PDZRN3: variants seen among roughly 807,000 people sequenced by gnomAD.
PDZRN3 encodes PDZ domain containing ring finger 3.
In PDZRN3, 38 loss-of-function variants were observed where a neutral mutation model predicts 85.7. That is an observed-to-expected ratio of 0.44 (90% CI 0.34 to 0.58). PDZRN3 has a LOEUF of 0.58. Among genes scored for constraint, PDZRN3 ranks in the 20% least tolerant of loss-of-function variants. The pLI, the probability that PDZRN3 is intolerant of heterozygous loss-of-function variation, is 0.01. For missense variants in PDZRN3, 1,629 were observed against 1,506.4 expected, an observed-to-expected ratio of 1.08 and a Z score of -1.35; for synonymous variants, 759 against 638.0, an observed-to-expected ratio of 1.19 and a Z score of -2.86.
At chr3:73,466,220 T>G (rs1048078374) in intron 3 of PDZRN3, among the ~76,000 whole-genome samples, 2 of 151,988 alleles carry the variant, frequency 1.3e-5, no homozygotes, top group Non-Finnish European at 2.9e-5. Context: ...AACAAGATTT[T>G]ACAAATTTGA....
At chr3:73,624,080 C>A in intron 1 of PDZRN3, 23 bp downstream of exon 1, 2 of 1,419,920 alleles carry the variant, frequency 1.4e-6, no homozygotes, top group Non-Finnish European at 9.1e-7. Flanking sequence ...GGCTGGAGGT[C>A]GGGGCGGGCA....
chr3:73,416,432 C>G (rs771638919), intron 3 of PDZRN3, among the ~76,000 whole-genome samples: 29 of 151,804 alleles, frequency 1.9e-4, no homozygotes, highest in Non-Finnish European at 4.0e-4. Flanking sequence ...TACTAGATCA[C>G]GCCATACCGA....
intron 3 of PDZRN3, among the ~76,000 whole-genome samples, chr3:73,467,320 A>G (rs1305293291): frequency 6.6e-6 from 1 of 152,248 alleles, no homozygotes; most frequent in Non-Finnish European, 1.5e-5. Flanking sequence ...AGGAAGCAGC[A>G]GGATGGCAAA....
At chr3:73,495,071 C>T (rs1703842224) in intron 3 of PDZRN3, among the ~76,000 whole-genome samples, 1 of 152,192 alleles carries the variant, frequency 6.6e-6, no homozygotes, top group African/African-American at 2.4e-5. Flanking sequence ...TGGGGTATTA[C>T]TCACTATGTG....
At chr3:73,575,820 A>C (rs377054084) in intron 3 of PDZRN3, among the ~76,000 whole-genome samples, 1 of 152,252 alleles carries the variant, frequency 6.6e-6, no homozygotes, top group South Asian at 2.1e-4. Context: ...TGAGTTTTTA[A>C]ATTTTTCCTA....
intron 3 of PDZRN3, among the ~76,000 whole-genome samples, chr3:73,522,047 T>C (rs2106731537): frequency 6.6e-6 from 1 of 152,374 alleles, no homozygotes; most frequent in East Asian, 1.9e-4. Flanking sequence ...GTGAAAATTA[T>C]ATGAAATTCA....
rs755356861 is a variant in PDZRN3 at position 73,384,108 on chromosome 3, G to C, written c.2458C>G (p.Pro820Ala). 6.2e-7 allele frequency: 1 copy of C among 1,614,006 alleles called. No homozygotes were observed. The highest frequency in any genetic ancestry group is 1.1e-5 in the South Asian group (1 of 91,076). ...TCCTTCAGGGACGGGCTATAGGTAG[G>C]GGTGCCCACTTCGGGATCTTCCGTG... is the stretch of plus-strand genomic sequence containing the variant. ...SITEDPEVGT[P>A]TYSPSLKELD... Residue 820 changes from proline to alanine, a missense_variant, in exon 10 of 10, where the codon CCT (proline) becomes GCT (alanine). Pro to Ala is a conservative substitution (Grantham distance 27, BLOSUM62 -1). Transcript: ENST00000263666.
intron 3 of PDZRN3, among the ~76,000 whole-genome samples, chr3:73,585,671 A>G (rs1334388600): frequency 6.6e-6 from 1 of 152,200 alleles, no homozygotes; most frequent in East Asian, 1.9e-4. Context: ...AGATGGATGG[A>G]AATTCTGTGA....
At chr3:73,579,738 A>T (rs1702171319) in intron 3 of PDZRN3, among the ~76,000 whole-genome samples, 2 of 152,160 alleles carry the variant, frequency 1.3e-5, no homozygotes, top group Non-Finnish European at 2.9e-5. Flanking sequence ...TGACTGTAAT[A>T]AGGGTGCAAC....
At position 73,384,907 on chromosome 3, in the gene PDZRN3, C is replaced by T; in HGVS notation, c.1659G>A (p.Gly553=). ...LQQKKHDEDG[G]TTDTATILSN... The stretch of plus-strand genomic sequence containing the variant: ...ACAAGATGGTGGCTGTATCTGTGGT[C>T]CCACCGTCTTCGTCGTGCTTCTTCT... The change falls in exon 10 of 10, where the codon GGG becomes GGA. Residue 553 remains glycine (G), a synonymous_variant. Transcript: ENST00000263666. 6.2e-7 allele frequency: 1 copy of T among 1,606,460 alleles called. No individual in the cohort carries two copies.
chr3:73,491,650 G>A (rs1310709718), intron 3 of PDZRN3, among the ~76,000 whole-genome samples: 2 of 141,552 alleles, frequency 1.4e-5, no homozygotes, highest in African/African-American at 5.2e-5. Context: ...CCAGGCTGGA[G>A]TGCAGTGACA....
intron 3 of PDZRN3, among the ~76,000 whole-genome samples, chr3:73,451,884 G>A (rs1441859942): frequency 1.3e-5 from 2 of 152,060 alleles, no homozygotes; most frequent in Admixed American, 1.3e-4. Flanking sequence ...CTTATAAACA[G>A]AGATTTAAAG....
At chr3:73,461,446 G>A (rs4677286) in intron 3 of PDZRN3, among the ~76,000 whole-genome samples, 89,111 of 151,992 alleles carry the variant, frequency 0.59, 26,306 homozygotes, top group East Asian at 0.77. Flanking sequence ...AACAAACACC[G>A]GAGAGATCTG....
intron 3 of PDZRN3, among the ~76,000 whole-genome samples, chr3:73,542,998 A>G (rs912702412): frequency 5.3e-5 from 8 of 152,066 alleles, no homozygotes; most frequent in African/African-American, 1.9e-4. Flanking sequence ...ACTTCTGGAC[A>G]CTCCACACTC....
intron 5 of PDZRN3, among the ~76,000 whole-genome samples, chr3:73,391,540 A>T (rs1030794371): frequency 1.3e-5 from 2 of 152,208 alleles, no homozygotes; most frequent in Non-Finnish European, 2.9e-5. Flanking sequence ...CTTAATATTC[A>T]CAGTCATAGA....
intron 2 of PDZRN3, 21 bp from the exon 3 acceptor site, chr3:73,602,482 C>T (rs754308868): frequency 2.0e-6 from 2 of 1,010,920 alleles, no homozygotes; most frequent in Non-Finnish European, 3.1e-6. Context: ...AAAAAAAAAA[C>T]ATGCATGAAT....
chr3:73,390,322 AG>A (rs1267705587), intron 6 of PDZRN3, among the ~76,000 whole-genome samples: 1 of 152,212 alleles, frequency 6.6e-6, no homozygotes, highest in Non-Finnish European at 1.5e-5. Context: ...GGGACTGGTA[AG>A]GGGAGGGATG....
At chr3:73,409,295 G>A (rs940575547) in intron 3 of PDZRN3, among the ~76,000 whole-genome samples, 1 of 152,148 alleles carries the variant, frequency 6.6e-6, no homozygotes, top group African/African-American at 2.4e-5. Context: ...ATTCCTTCCG[G>A]GTTCAATTTG....
intron 3 of PDZRN3, among the ~76,000 whole-genome samples, chr3:73,477,154 G>A (rs1178203723): frequency 1.3e-5 from 2 of 152,146 alleles, no homozygotes; most frequent in African/African-American, 4.8e-5. Flanking sequence ...TACACCTCAT[G>A]GGGTTGTATT....
Sources: gnomAD v4.1 joint callset for allele counts (sites outside exome capture counted in the v4.1 genomes callset) on GRCh38, gnomAD v4.1.1 for gene constraint, MANE v1.5 for transcripts, NCBI Gene and HGNC (gene_info 2026-07-23, HGNC 2026-07-21) for gene names.